Variants in ZAN observed in about 807,000 individuals in gnomAD.
ZAN encodes the protein zonadhesin.
In ZAN, 260 loss-of-function variants were observed where a neutral mutation model predicts 286.2. The observed-to-expected ratio is 0.91, with a 90% confidence interval of 0.82 to 1.01. The LOEUF is 1.01. Ranked by LOEUF, ZAN falls within the 50% of genes least tolerant of loss-of-function variation. The pLI is 0.00. For synonymous variants in ZAN, 1,368 were observed against 1,417.5 expected (o/e 0.97, Z 0.79); for missense variants, 3,410 against 3,639.2 (o/e 0.94, Z 1.62).
intron 22 of ZAN, 49 bp from the exon 23 acceptor site, chr7:100,765,303 C>A (rs759710669): frequency 6.3e-7 from 1 of 1,594,734 alleles, no homozygotes; most frequent in Non-Finnish European, 8.6e-7. Context: ...TCCCACCCAG[C>A]CCCGTGGCTT....
At position 100,792,465 on chromosome 7, in the gene ZAN, C is replaced by T; in HGVS notation, c.7773C>T (p.Cys2591=). 6.2e-7 allele frequency: 1 copy of T among 1,613,888 alleles called. No individual in the cohort carries two copies. The highest frequency in any genetic ancestry group is 1.3e-5 in the African/African-American group (1 of 75,052). Reference sequence around the variant, plus strand: ...CAAGAGAGCAAGAGGAGCTGCGTTGCCAGGTCCTCAGTGGGTACGCCATCC... The same window carrying T: ...CAAGAGAGCAAGAGGAGCTGCGTTGTCAGGTCCTCAGTGGGTACGCCATCC... ...QDPREQEELR[C]QVLSGHGVSS... is the part of the protein sequence containing the mutation. The change falls in exon 42 of 48, where the codon TGC becomes TGT. Residue 2591 remains cysteine, a synonymous_variant. Coordinates refer to ENST00000613979, the MANE Select transcript of ZAN (RefSeq NM_003386.3).
At position 100,776,686 on chromosome 7, in the gene ZAN, CTCTCTT is replaced by C. The variant is rs368387079; in HGVS notation, c.6317+132_6317+137del. ...CTCCCCTTCCTTCCTTTCTTCCTTTCTCTCTTTCTCTTTCTTTTCTTCCTCTCCTTT... is the reference window on the plus strand; with the variant it reads ...CTCCCCTTCCTTCCTTTCTTCCTTTCTCTCTTTCTTTTCTTCCTCTCCTTT... On this transcript the variant is annotated intron_variant, in intron 34 of 47. Transcript: ENST00000613979. 2.1e-3 allele frequency: 889 copies of C among 426,230 alleles called. 19 individuals carry two copies. The African/African-American group carries it at 0.024, about 12-fold the overall frequency. 26.4% of individuals were successfully genotyped at this position (426,230 alleles called of 1,614,324 possible).
At chr7:100,771,700 G>A in intron 28 of ZAN, 144 bp from the exon 29 acceptor site, 1 of 825,748 alleles carries the variant, frequency 1.2e-6, no homozygotes, top group Non-Finnish European at 1.8e-6. Context: ...CCAAAGTGCT[G>A]GGATTACAGG....
rs569573720 is a variant in ZAN at position 100,772,682 on chromosome 7, G to A, written c.5426-603G>A. Among the ~76,000 whole-genome samples, 652 of 151,840 alleles carry A rather than the reference G, an allele frequency of 4.3e-3. 9 individuals carry two copies. The highest frequency in any genetic ancestry group is 0.014 in the African/African-American group (573 of 41,480). On this transcript the variant is annotated intron_variant, in intron 29 of 47. Transcript: ENST00000613979. ...CAAAAATACAAAAAATTAGCCAGGCGTGGTGGTGGGCGCCTGTAGTCCCAG... is the reference window on the plus strand; with the variant it reads ...CAAAAATACAAAAAATTAGCCAGGCATGGTGGTGGGCGCCTGTAGTCCCAG...
At position 100,788,277 on chromosome 7, in the gene ZAN, G is replaced by A. The variant is rs1811708029; in HGVS notation, c.7227+141G>A. 1.1e-5 allele frequency: 14 copies of A among 1,242,104 alleles called. No homozygotes were observed. In the South Asian group the frequency reaches 2.1e-4, roughly 18 times the overall value. The allele number at this position is 1,242,104 out of a possible 1,614,324, so 76.9% of individuals were successfully genotyped here. Reference sequence around the variant, plus strand: ...GTTGTAAAATCAGAGTCAGCAGGACGCAGTGGTTCACGCCTGTAATCTCAG... The same window carrying A: ...GTTGTAAAATCAGAGTCAGCAGGACACAGTGGTTCACGCCTGTAATCTCAG... On this transcript the variant is annotated intron_variant, in intron 38 of 47. Coordinates refer to ENST00000613979, the MANE Select transcript of ZAN (RefSeq NM_003386.3).
chr7:100,750,092 A>ACT (rs1562921832), intron 11 of ZAN, among the ~76,000 whole-genome samples: 5 of 149,560 alleles, frequency 3.3e-5, no homozygotes, highest in African/African-American at 1.2e-4. Context: ...ACACACACAC[A>ACT]CACACACGAC....
At chr7:100,759,628 C>CGT in intron 17 of ZAN, 93 bp from the exon 18 acceptor site, 8 of 1,418,920 alleles carry the variant, frequency 5.6e-6, no homozygotes, top group Non-Finnish European at 7.4e-6. Flanking sequence ...CGGTGGCGCT[C>CGT]ATCTCTCCCT....
At chr7:100,758,167 A>T (rs755797914) in intron 15 of ZAN, 35 bp from the exon 16 acceptor site, 65 of 1,595,570 alleles carry the variant, frequency 4.1e-5, no homozygotes, top group Middle Eastern at 1.7e-4. Flanking sequence ...TCTAGGAGCT[A>T]TATGACTGTG....
intron 7 of ZAN, among the ~76,000 whole-genome samples, chr7:100,745,553 G>T (rs766177423): frequency 1.3e-5 from 2 of 151,510 alleles, no homozygotes; most frequent in African/African-American, 2.4e-5. Flanking sequence ...TGTATCTCTC[G>T]CCAGTTTGCG....
chr7:100,737,235 G>A lies in ZAN; in HGVS notation c.526-27G>A, dbSNP rs1378467689. 3.5e-6 allele frequency: 5 copies of A among 1,448,056 alleles called. No homozygotes were observed. The East Asian group carries it at 1.2e-4, about 35-fold the overall frequency. The allele number at this position is 1,448,056 out of a possible 1,614,324, so 89.7% of individuals were successfully genotyped here. A position where few individuals can be genotyped will look rare whatever the true frequency, so the allele number is the denominator to read the frequency against. On this transcript the variant is annotated intron_variant, in intron 5 of 47. Coordinates refer to ENST00000613979, the MANE Select transcript of ZAN (RefSeq NM_003386.3). ...GGAGGCCTGGCTGAGGGGCTCATGG[G>A]GTTGGGGTCCCCTTATCCTCTTGCA...
chr7:100,793,378 C>T (rs543938239), intron 42 of ZAN, among the ~76,000 whole-genome samples: 1 of 151,970 alleles, frequency 6.6e-6, no homozygotes, highest in African/African-American at 2.4e-5. Flanking sequence ...AAAAAAAAGA[C>T]CCTAGATGAA....
rs577221452 is a variant in ZAN, at chr7:100,764,311, T to C, written c.4267+115T>C. The C allele has an allele frequency of 5.5e-6, 7 of 1,281,868 alleles. No individual in the cohort carries two copies. The African/African-American group carries it at 6.0e-5, about 11-fold the overall frequency. 79.4% of individuals were successfully genotyped at this position (1,281,868 alleles called of 1,614,324 possible). On this transcript the variant is annotated intron_variant, in intron 22 of 47. Coordinates refer to ENST00000613979, the MANE Select transcript of ZAN (RefSeq NM_003386.3). ...TGAGATCAGGAGTTTGGGACCAGCCTGGCCAACACCCCGTCTCTACTAAAC... is the reference window on the plus strand; with the variant it reads ...TGAGATCAGGAGTTTGGGACCAGCCCGGCCAACACCCCGTCTCTACTAAAC...
chr7:100,785,038 A>G (rs1358398191), intron 36 of ZAN, among the ~76,000 whole-genome samples: 9 of 152,116 alleles, frequency 5.9e-5, no homozygotes, highest in African/African-American at 2.2e-4. Flanking sequence ...GAATCCAAAC[A>G]AGCAGCACAT....
chr7:100,743,701 A>C (rs983780963), intron 7 of ZAN, among the ~76,000 whole-genome samples: 2 of 151,400 alleles, frequency 1.3e-5, no homozygotes, highest in African/African-American at 4.9e-5. Flanking sequence ...ATATAGTGAG[A>C]TCTTGTCTCT....
rs747273316 is a variant in ZAN, at chr7:100,784,702, G to A, written c.6702G>A (p.Arg2234=). The A allele has an allele frequency of 1.2e-6, 2 of 1,613,816 alleles. No individual in the cohort carries two copies. The highest frequency in any genetic ancestry group is 1.3e-5 in the African/African-American group (1 of 74,918). The change falls in exon 36 of 48, where the codon CGG becomes CGA. Residue 2234 remains arginine, a synonymous_variant. Transcript: ENST00000613979. The stretch of plus-strand genomic sequence containing the variant: ...CCTCCTGCTGGGACCTGGATGGCCG[G>A]TGTGAGGGCGCCAAAGTCCCCTCTG... ...CSPSCWDLDG[R]CEGAKVPSAC... is the part of the protein sequence containing the mutation.
At chr7:100,767,596 C>T (rs1445664682) in intron 25 of ZAN, among the ~76,000 whole-genome samples, 1 of 151,400 alleles carries the variant, frequency 6.6e-6, no homozygotes, top group African/African-American at 2.4e-5. Context: ...CCACCTCGGC[C>T]TCCTAAGTAG....
chr7:100,748,247 T>C, intron 10 of ZAN, 32 bp downstream of exon 10: 1 of 1,613,676 alleles, frequency 6.2e-7, no homozygotes, highest in Non-Finnish European at 8.5e-7. Context: ...CCCGGATCTC[T>C]CAGAATCCGG....
intron 7 of ZAN, among the ~76,000 whole-genome samples, chr7:100,746,336 C>T (rs1372159549): frequency 1.3e-5 from 2 of 152,178 alleles, no homozygotes; most frequent in African/African-American, 4.8e-5. Flanking sequence ...CATGGCAGCG[C>T]CGGGTCCTTA....
Position 100,762,442 on chromosome 7 carries a change from T to A in ZAN, c.3986+84T>A. 2.7e-6 allele frequency: 3 copies of A among 1,125,872 alleles called. No individual in the cohort carries two copies. The South Asian group carries it at 5.2e-5, about 19-fold the overall frequency. The allele number at this position is 1,125,872 out of a possible 1,614,324, so 69.7% of individuals were successfully genotyped here. A position where few individuals can be genotyped will look rare whatever the true frequency, so the allele number is the denominator to read the frequency against. ...CTCTTTTTTTTTTTTTTTTTTTTTT[T>A]TGAGATGGAGTCTCCTTCTGTCGCT... is the stretch of plus-strand genomic sequence containing the variant. On this transcript the variant is annotated intron_variant, in intron 20 of 47. Transcript: ENST00000613979.
Sources: allele counts gnomAD v4.1 joint callset (sites outside exome capture counted in the v4.1 genomes callset), GRCh38; gene constraint gnomAD v4.1.1; transcripts MANE v1.5; gene names NCBI Gene and HGNC (gene_info 2026-07-23, HGNC 2026-07-21).